The following NETO2 variants were observed in gnomAD, a reference collection of about 807,000 sequenced individuals.
NETO2 encodes the protein neuropilin and tolloid like 2.
Under a neutral mutation model 62.5 loss-of-function variants are expected in NETO2, and 28 were observed. The ratio of observed to expected loss-of-function variants is 0.45; its 90% confidence interval spans 0.33 to 0.61. NETO2 has a LOEUF of 0.61. Among genes scored for constraint, NETO2 ranks in the 20% least tolerant of loss-of-function variants. The pLI is 0.02. For synonymous variants in NETO2, 214 were observed against 219.1 expected, an observed-to-expected ratio of 0.98 and a Z score of 0.21; for missense variants, 548 against 643.2, an observed-to-expected ratio of 0.85 and a Z score of 1.60.
chr16:47,119,443 A>G (rs1041834512), intron 6 of NETO2, among the ~76,000 whole-genome samples: 1 of 150,370 alleles, frequency 6.7e-6, no homozygotes, highest in Admixed American at 6.6e-5. Context: ...GAACCACTGC[A>G]CCCGGCCTAT....
chr16:47,109,261 G>A (rs1963737924), intron 7 of NETO2, among the ~76,000 whole-genome samples: 1 of 151,834 alleles, frequency 6.6e-6, no homozygotes, highest in African/African-American at 2.4e-5. Flanking sequence ...GAGCCCAGGA[G>A]TTTAAGGCCA....
rs760657338 is a variant in NETO2, at chr16:47,109,561, T to C, written c.805A>G (p.Ile269Val). ...VANDVMLKTG[I>V]GVIRMWADEG... ...TCTGCCCACATTCGAATCACTCCAA[T>C]TCCTGTTTTAAGCATTACATCATTG... The change falls in exon 7 of 9, where the codon ATT becomes GTT. Residue 269 changes from isoleucine (I) to valine (V), a missense_variant. By Grantham distance (29) the Ile-to-Val change is conservative (BLOSUM62 3). Coordinates refer to ENST00000562435, the MANE Select transcript of NETO2 (RefSeq NM_018092.5). 5.6e-6 allele frequency: 9 copies of C among 1,613,972 alleles called. No homozygotes were observed. Among genetic ancestry groups the C allele is most frequent in the Middle Eastern group, 1.6e-4 (1 of 6,082 alleles).
At chr16:47,115,716 T>TATATATATATATACAC (rs1567391585) in intron 6 of NETO2, among the ~76,000 whole-genome samples, 30 of 127,462 alleles carry the variant, frequency 2.4e-4, no homozygotes, top group Non-Finnish European at 4.2e-4. Flanking sequence ...TATATATACA[T>TATATATATATATACAC]ATATATATAT....
At chr16:47,135,709 G>A (rs766714389) in intron 1 of NETO2, among the ~76,000 whole-genome samples, 16 of 151,406 alleles carry the variant, frequency 1.1e-4, no homozygotes, top group Admixed American at 7.2e-4. Flanking sequence ...AGACAATTCT[G>A]TTCCTAGGCC....
At chr16:47,128,179 G>T in intron 4 of NETO2, 146 bp downstream of exon 4, 1 of 957,838 alleles carries the variant, frequency 1.0e-6, no homozygotes. Context: ...ATTTGTTCAT[G>T]GACTAATTTC....
In NETO2 at chr16:47,132,792, C is replaced by T. The variant is rs139678508; in HGVS notation, c.35-767G>A. ...CACTTACAGAGTATCCACTGAAGAG[C>T]GGGCACCAAGGATGCACAGGTGTGG... is the stretch of plus-strand genomic sequence containing the variant. On this transcript the variant is annotated intron_variant, in intron 1 of 8. Transcript: ENST00000562435. Among the ~76,000 whole-genome samples the T allele has an allele frequency of 7.5e-3, 1,147 of 152,236 alleles. 19 individuals carry two copies. The highest frequency in any genetic ancestry group is 0.026 in the African/African-American group (1,089 of 41,536).
At chr16:47,100,824 C>CA (rs1455194469) in intron 7 of NETO2, among the ~76,000 whole-genome samples, 1 of 151,900 alleles carries the variant, frequency 6.6e-6, no homozygotes, top group Non-Finnish European at 1.5e-5. Context: ...GCCTACCAAC[C>CA]AAAAAAAGCC....
chr16:47,099,512 A>C (rs1201216709), intron 7 of NETO2, among the ~76,000 whole-genome samples: 1 of 152,220 alleles, frequency 6.6e-6, no homozygotes, highest in Non-Finnish European at 1.5e-5. Context: ...AAAGACGCAG[A>C]CTGGCAAATT....
chr16:47,113,516 C>T (rs1192509690), intron 6 of NETO2, among the ~76,000 whole-genome samples: 2 of 151,466 alleles, frequency 1.3e-5, no homozygotes, highest in Admixed American at 6.6e-5. Context: ...GGGGTTACTG[C>T]ATGTAGCTGT....
At chr16:47,135,704 A>G (rs919839254) in intron 1 of NETO2, among the ~76,000 whole-genome samples, 1 of 152,106 alleles carries the variant, frequency 6.6e-6, no homozygotes, top group Non-Finnish European at 1.5e-5. Flanking sequence ...TAAGCAGACA[A>G]TTCTGTTCCT....
intron 4 of NETO2, 104 bp downstream of exon 4, chr16:47,128,221 G>A: frequency 7.3e-7 from 1 of 1,378,884 alleles, no homozygotes; most frequent in Non-Finnish European, 9.8e-7. Flanking sequence ...TTAAAATCTT[G>A]ATTTGATTAA....
intron 8 of NETO2, among the ~76,000 whole-genome samples, chr16:47,084,378 G>A (rs1963139935): frequency 6.6e-6 from 1 of 152,174 alleles, no homozygotes; most frequent in Admixed American, 6.5e-5. Flanking sequence ...CAACCCCTGG[G>A]CCACAGACAG....
chr16:47,110,408 T>C lies in NETO2; in HGVS notation c.655-697A>G, dbSNP rs1189172569. Among the ~76,000 whole-genome samples the C allele has an allele frequency of 3.3e-5, 5 of 152,246 alleles. No individual in the cohort carries two copies. In the South Asian group the frequency reaches 1.0e-3, roughly 31 times the overall value. On this transcript the variant is annotated intron_variant, in intron 6 of 8. Transcript: ENST00000562435. ...TAAACACTCTTGACCCATTCTTGTT[T>C]GGCGATTTCTCTTACATTGTGAATT...
At chr16:47,093,230 CTT>C (rs1302751721) in intron 7 of NETO2, among the ~76,000 whole-genome samples, 1 of 152,172 alleles carries the variant, frequency 6.6e-6, no homozygotes, top group African/African-American at 2.4e-5. Flanking sequence ...TACCACACTT[CTT>C]GTGGCCCACC....
Position 47,131,974 on chromosome 16 carries a change from GT to G in NETO2, c.85del (p.Thr29ProfsTer56). The G allele has an allele frequency of 6.2e-7, 1 of 1,611,916 alleles. No homozygotes were observed. The highest frequency in any genetic ancestry group is 8.5e-7 in the Non-Finnish European group (1 of 1,178,404). ...CACCAATGTAAGTACTTTACCTTGG[GT>G]TTTTTGGGCCACGGCAATCCCTTCC... ...VVEGIAVAQK[T>X]QDGQNIGIKH... On this transcript the variant is annotated frameshift_variant, in exon 2 of 9. Transcript: ENST00000562435. LOFTEE classifies it high-confidence loss of function.
At chr16:47,119,123 C>T (rs554035289) in intron 6 of NETO2, among the ~76,000 whole-genome samples, 1 of 151,164 alleles carries the variant, frequency 6.6e-6, no homozygotes, top group African/African-American at 2.4e-5. Context: ...ATAACTTTTC[C>T]ATTTCTAATA....
chr16:47,090,683 C>T (rs141464919), intron 7 of NETO2, among the ~76,000 whole-genome samples: 3 of 152,168 alleles, frequency 2.0e-5, no homozygotes, highest in East Asian at 1.9e-4. Flanking sequence ...AGTATGTCAC[C>T]GAAAATCACA....
Position 47,109,710 on chromosome 16 carries a change from A to G in NETO2, c.656T>C (p.Ile219Thr), listed in dbSNP as rs1963751197. The G allele has an allele frequency of 6.3e-7, 1 of 1,594,996 alleles. No individual in the cohort carries two copies. Among genetic ancestry groups the G allele is most frequent in the Non-Finnish European group, 8.6e-7 (1 of 1,162,784 alleles). Residue 219 changes from isoleucine (I) to threonine (T), a missense_variant and splice_region_variant, in exon 7 of 9, where the codon ATT becomes ACT. Ile to Thr is a moderately conservative substitution (Grantham distance 89). Transcript: ENST00000562435. ...WTIKATPKAK[I>T]YLRFLDYQME... ...TTGATAATCTAGGAACCTCAAATAAATCTGTAATATTAACACAAAAACACT... is the reference window on the plus strand; with the variant it reads ...TTGATAATCTAGGAACCTCAAATAAGTCTGTAATATTAACACAAAAACACT...
rs1266496501 is a variant in NETO2, at chr16:47,077,922, G to GGTAT, written c.*5295_*5298dup. ...CCCACTCCGTGTTCACCTGTCTTGA[G>GGTAT]GTATACTCATCCATGTTTCTAAGCT... On this transcript the variant is annotated 3_prime_UTR_variant, in exon 9 of 9. Transcript: ENST00000562435. The GGTAT allele has an allele frequency of 1.5e-4, 23 of 152,258 alleles. No homozygotes were observed. Among genetic ancestry groups the GGTAT allele is most frequent in the African/African-American group, 5.1e-4 (21 of 41,530 alleles). 9.4% of individuals were successfully genotyped at this position (152,258 alleles called of 1,614,324 possible). A position where few individuals can be genotyped will look rare whatever the true frequency, so the allele number is the denominator to read the frequency against.
Sources: allele counts gnomAD v4.1 joint callset (sites outside exome capture counted in the v4.1 genomes callset), GRCh38; gene constraint gnomAD v4.1.1; transcripts MANE v1.5; gene names NCBI Gene and HGNC (gene_info 2026-07-23, HGNC 2026-07-21).